The following NTM variants were observed in gnomAD, a reference collection of about 807,000 sequenced individuals.
NTM encodes the protein neurotrimin.
A neutral mutation model predicts 42.1 loss-of-function variants in NTM; 13 were observed. The observed-to-expected ratio is 0.31, with a 90% confidence interval of 0.20 to 0.49. The LOEUF (loss-of-function observed/expected upper bound fraction) is 0.49. Among genes scored for constraint, NTM ranks in the 20% least tolerant of loss-of-function variants. The probability of loss-of-function intolerance (pLI) is 0.99; values close to 1 mark genes in which losing one functional copy is unlikely to be tolerated. For missense variants in NTM, 373 were observed against 452.8 expected, an observed-to-expected ratio of 0.82 and a Z score of 1.60; for synonymous variants, 187 against 179.2, an observed-to-expected ratio of 1.04 and a Z score of -0.35.
At chr11:131,971,798 T>C (rs1039941868) in intron 2 of NTM, among the ~76,000 whole-genome samples, 4 of 151,690 alleles carry the variant, frequency 2.6e-5, no homozygotes, top group African/African-American at 9.7e-5. Context: ...GTAATCCCAG[T>C]ACTTTGAAGG....
intron 1 of NTM, among the ~76,000 whole-genome samples, chr11:131,789,731 C>A (rs942495069): frequency 6.6e-6 from 1 of 150,756 alleles, no homozygotes; most frequent in Non-Finnish European, 1.5e-5. Context: ...TGGAGGCAGG[C>A]GGATCACGAG....
intron 4 of NTM, among the ~76,000 whole-genome samples, chr11:132,251,068 T>G (rs550095854): frequency 3.6e-4 from 55 of 152,352 alleles, no homozygotes; most frequent in African/African-American, 1.3e-3. Context: ...ATTAAGGGTG[T>G]CTAATTTCTG....
chr11:131,606,575 G>C (rs7121071), intron 1 of NTM, among the ~76,000 whole-genome samples: 1 of 151,928 alleles, frequency 6.6e-6, no homozygotes, highest in Admixed American at 6.5e-5. Flanking sequence ...AAACTTTTAC[G>C]ATGGAGGATT....
rs1264338632 is a variant in NTM, at chr11:131,851,687, C to A, written c.83-59877C>A. Among the ~76,000 whole-genome samples the A allele has an allele frequency of 4.6e-5, 7 of 152,194 alleles. No homozygotes were observed. The East Asian group carries it at 1.2e-3, about 25-fold the overall frequency. On this transcript the variant is annotated intron_variant, in intron 1 of 8. Transcript: ENST00000683400. ...ACTGATTTTTATACAAATGCCATTG[C>A]AGCACCTTTGAGGACATTCTGTCAT... is the stretch of plus-strand genomic sequence containing the variant.
chr11:132,028,731 G>A (rs905696350), intron 2 of NTM, among the ~76,000 whole-genome samples: 6 of 152,156 alleles, frequency 3.9e-5, no homozygotes. Context: ...TCCCTTCCCT[G>A]CATCATTAGG....
chr11:132,148,130 A>G (rs1329360575), intron 3 of NTM, among the ~76,000 whole-genome samples: 1 of 152,212 alleles, frequency 6.6e-6, no homozygotes, highest in Non-Finnish European at 1.5e-5. Flanking sequence ...AGGAAATTAC[A>G]ATGGCTGTTT....
chr11:131,828,728 G>A (rs935021883), intron 1 of NTM, among the ~76,000 whole-genome samples: 1 of 152,056 alleles, frequency 6.6e-6, no homozygotes, highest in African/African-American at 2.4e-5. Context: ...ACCAGGACAA[G>A]GCATACAACT....
At chr11:131,637,111 A>C (rs924067236) in intron 1 of NTM, among the ~76,000 whole-genome samples, 1 of 152,018 alleles carries the variant, frequency 6.6e-6, no homozygotes, top group African/African-American at 2.4e-5. Flanking sequence ...CTGGGTACAC[A>C]AGCTGTCTAC....
intron 2 of NTM, among the ~76,000 whole-genome samples, chr11:132,007,640 A>G (rs1441401027): frequency 6.6e-6 from 1 of 152,248 alleles, no homozygotes; most frequent in Non-Finnish European, 1.5e-5. Flanking sequence ...TACTATTTAA[A>G]GAAATCTATG....
At chr11:132,257,593 C>T (rs950588044) in intron 4 of NTM, among the ~76,000 whole-genome samples, 4 of 152,174 alleles carry the variant, frequency 2.6e-5, no homozygotes, top group Non-Finnish European at 5.9e-5. Flanking sequence ...GGAGCAAAAC[C>T]AATGTCACCA....
At chr11:131,865,498 G>A (rs1314293383) in intron 1 of NTM, among the ~76,000 whole-genome samples, 1 of 152,196 alleles carries the variant, frequency 6.6e-6, no homozygotes, top group Non-Finnish European at 1.5e-5. Context: ...CTCTGCACTT[G>A]ATAGCTGGTT....
intron 2 of NTM, among the ~76,000 whole-genome samples, chr11:132,011,599 T>G (rs1247041648): frequency 6.6e-6 from 1 of 152,208 alleles, no homozygotes; most frequent in African/African-American, 2.4e-5. Flanking sequence ...TTACAAGCAT[T>G]ATCCAAATTA....
At chr11:131,779,688 A>T (rs1323191536) in intron 1 of NTM, among the ~76,000 whole-genome samples, 1 of 152,194 alleles carries the variant, frequency 6.6e-6, no homozygotes, top group Non-Finnish European at 1.5e-5. Flanking sequence ...ACAAGAAAAG[A>T]TTCTACTATA....
At chr11:132,225,062 G>A (rs932083629) in intron 4 of NTM, among the ~76,000 whole-genome samples, 2 of 152,206 alleles carry the variant, frequency 1.3e-5, no homozygotes, top group African/African-American at 4.8e-5. Context: ...TAAGAGAAGA[G>A]GGATTTATCA....
chr11:131,492,666 T>G (rs548025251), intron 1 of NTM, among the ~76,000 whole-genome samples: 5 of 152,170 alleles, frequency 3.3e-5, no homozygotes, highest in Admixed American at 6.5e-5. Flanking sequence ...GACTTCAAAG[T>G]GCACAGTGGG....
chr11:131,997,016 T>A (rs1037518323), intron 2 of NTM, among the ~76,000 whole-genome samples: 1 of 152,210 alleles, frequency 6.6e-6, no homozygotes, highest in Non-Finnish European at 1.5e-5. Flanking sequence ...TCAATCACTT[T>A]ATGAACATGG....
chr11:132,325,544 T>C (rs2095661148), intron 7 of NTM, among the ~76,000 whole-genome samples: 5 of 151,974 alleles, frequency 3.3e-5, no homozygotes, highest in Non-Finnish European at 2.9e-5. Flanking sequence ...TGTGGAGAAA[T>C]AGGAACACTT....
chr11:131,444,701 G>T (rs945206998), intron 1 of NTM, among the ~76,000 whole-genome samples: 42 of 152,280 alleles, frequency 2.8e-4, no homozygotes, highest in South Asian at 2.1e-3. Flanking sequence ...AGAACATTTA[G>T]GTTAGGTTAA....
chr11:132,155,416 C>A (rs753266208), intron 3 of NTM, among the ~76,000 whole-genome samples: 2 of 152,184 alleles, frequency 1.3e-5, no homozygotes, highest in Non-Finnish European at 2.9e-5. Flanking sequence ...TTTCTGTCTT[C>A]TTTCTATGGA....
Sources: allele counts gnomAD v4.1 joint callset (sites outside exome capture counted in the v4.1 genomes callset), GRCh38; gene constraint gnomAD v4.1.1; transcripts MANE v1.5; gene names NCBI Gene and HGNC (gene_info 2026-07-23, HGNC 2026-07-21).